Variants in POGK observed in about 807,000 individuals in gnomAD.
POGK encodes the protein pogo transposable element derived with KRAB domain, also known as pogo transposable element with KRAB domain.
Under a neutral mutation model 54.4 loss-of-function variants are expected in POGK, and 16 were observed. The ratio of observed to expected loss-of-function variants is 0.29; its 90% CI spans 0.20 to 0.45. POGK has a LOEUF of 0.45. POGK is among the 20% of genes least tolerant of loss of function. POGK has a pLI of 1.00. For missense variants in POGK, 515 were observed against 795.6 expected, an observed-to-expected ratio of 0.65 and a Z score of 4.24; for synonymous variants, 271 against 302.2, an observed-to-expected ratio of 0.90 and a Z score of 1.07.
rs1370131494 is a variant in POGK at position 166,853,373 on chromosome 1, T to C, written c.*803T>C. The stretch of plus-strand genomic sequence containing the variant: ...CAGGATTTCGTATGCAAGCTCTTGT[T>C]TCTCAGGCTGCCTGCAGAAGAAGTC... On this transcript the variant is annotated 3_prime_UTR_variant, in exon 6 of 6. Coordinates refer to ENST00000367876, the MANE Select transcript of POGK (RefSeq NM_017542.5). 6.5e-6 allele frequency: 1 copy of C among 152,674 alleles called. No individual in the cohort carries two copies. Among genetic ancestry groups the C allele is most frequent in the Non-Finnish European group, 1.5e-5 (1 of 68,040 alleles). The allele number at this position is 152,674 out of a possible 1,614,324, so 9.5% of individuals were successfully genotyped here. A position where few individuals can be genotyped will look rare whatever the true frequency, so the allele number is the denominator to read the frequency against.
intron 4 of POGK, 92 bp downstream of exon 4, chr1:166,847,684 A>G (rs1571225190): frequency 1.0e-6 from 1 of 988,602 alleles, no homozygotes; most frequent in Non-Finnish European, 1.5e-6. Flanking sequence ...TTTAAGAGGT[A>G]GAAGGATTAT....
At position 166,847,409 on chromosome 1, in the gene POGK, C is replaced by T. The variant is rs578121373; in HGVS notation, c.260-85C>T. The T allele has an allele frequency of 6.6e-5, 65 of 991,924 alleles. 1 individual carries two copies. In the African/African-American group the frequency reaches 7.4e-4, roughly 11 times the overall value. The allele number at this position is 991,924 out of a possible 1,614,324, so 61.4% of individuals were successfully genotyped here. On this transcript the variant is annotated intron_variant, in intron 3 of 5. Coordinates refer to ENST00000367876, the MANE Select transcript of POGK (RefSeq NM_017542.5). ...TTTTTCACAAAGAAGGGGAGAGTGG[C>T]TCTTAAGTATTTTGAAGTACTTATT...
At chr1:166,850,654 C>T in intron 5 of POGK, 1 of 454,006 alleles carries the variant, frequency 2.2e-6, no homozygotes, top group East Asian at 3.6e-5. Flanking sequence ...ACCACCTGAG[C>T]TCCGCCCGCT....
intron 2 of POGK, among the ~76,000 whole-genome samples, chr1:166,841,783 A>G (rs1263717968): frequency 2.6e-5 from 4 of 152,196 alleles, no homozygotes; most frequent in Non-Finnish European, 5.9e-5. Flanking sequence ...AAACATTGTC[A>G]GTATACATAG....
chr1:166,840,975 C>G lies in POGK; in HGVS notation c.19C>G (p.Pro7Ala). The G allele has an allele frequency of 2.5e-6, 4 of 1,613,964 alleles. No homozygotes were observed. Among genetic ancestry groups the G allele is most frequent in the Non-Finnish European group, 3.4e-6 (4 of 1,179,934 alleles). The change falls in exon 2 of 6, where the codon CCT becomes GCT. Residue 7 changes from proline to alanine, a missense_variant. This residue lies in a region of POGK where 54 missense variants were observed against 52.0 expected (regional missense o/e 1.04). Transcript: ENST00000367876. ...TGCAGAGATGGAGTCCACAGCCTACCCTCTCAATTTGAGCCTGAAAGAAGA... is the reference window on the plus strand; with the variant it reads ...TGCAGAGATGGAGTCCACAGCCTACGCTCTCAATTTGAGCCTGAAAGAAGA... MESTAY[P>A]LNLSLKEEEE...
At position 166,850,261 on chromosome 1, in the gene POGK, A is replaced by G; in HGVS notation, c.1682A>G (p.Glu561Gly). 1 of 1,568,892 alleles carries G rather than the reference A, an allele frequency of 6.4e-7. No individual in the cohort carries two copies. Among genetic ancestry groups the G allele is most frequent in the Non-Finnish European group, 8.7e-7 (1 of 1,155,616 alleles). The change falls in exon 5 of 6, where the codon GAG (glutamate) becomes GGG (glycine). Residue 561 changes from glutamate to glycine, a missense_variant. Glu to Gly is a moderately conservative substitution (Grantham distance 98). This residue lies in a region of POGK where 461 missense variants were observed against 743.5 expected (regional missense o/e 0.62). Transcript: ENST00000367876. ...VMVAWNSISSESIVQGFKKCH... is the reference protein window; with the variant it reads ...VMVAWNSISSGSIVQGFKKCH... Reference sequence around the variant, plus strand: ...GTCGCGTGGAATAGCATCTCAAGTGAGTCCATCGTCCAAGGGTTCAAGAAG... The same window carrying G: ...GTCGCGTGGAATAGCATCTCAAGTGGGTCCATCGTCCAAGGGTTCAAGAAG...
At chr1:166,844,265 A>T (rs1657738972) in intron 2 of POGK, among the ~76,000 whole-genome samples, 1 of 152,128 alleles carries the variant, frequency 6.6e-6, no homozygotes, top group East Asian at 1.9e-4. Context: ...AAGAGTATTG[A>T]TGGCCCCTCT....
intron 1 of POGK, 84 bp downstream of exon 1, chr1:166,839,688 C>T (rs1657390341): frequency 7.9e-6 from 1 of 126,766 alleles, no homozygotes; most frequent in Non-Finnish European, 1.7e-5. Context: ...GGCGGGGGCG[C>T]CGAGGCTGCG....
intron 2 of POGK, among the ~76,000 whole-genome samples, chr1:166,845,708 T>C (rs1309818321): frequency 6.6e-6 from 1 of 152,238 alleles, no homozygotes; most frequent in African/African-American, 2.4e-5. Context: ...TCCAGTGCCT[T>C]CTTATCACTA....
chr1:166,851,937 G>A (rs187263727), intron 5 of POGK: 79 of 152,276 alleles, frequency 5.2e-4, no homozygotes, highest in African/African-American at 1.8e-3. Context: ...TTCAAAGAGT[G>A]ACTTATGTCT....
intron 5 of POGK, 177 bp downstream of exon 5, chr1:166,850,600 A>C: frequency 3.2e-6 from 2 of 621,934 alleles, no homozygotes; most frequent in Non-Finnish European, 5.3e-6. Context: ...CCTGTCAGGA[A>C]CTGGGCTGCA....
At position 166,849,116 on chromosome 1, in the gene POGK, T is replaced by C. The variant is rs1220251178; in HGVS notation, c.537T>C (p.Tyr179=). ...ACATGGCCATGGGCTTCCCAGGGTA[T>C]GACCTCTCGGCTGATGACATAGCTG... ...PFYMAMGFPG[Y]DLSADDIAGK... is the part of the protein sequence containing the mutation. The change falls in exon 5 of 6, where the codon TAT becomes TAC. Residue 179 remains tyrosine, a synonymous_variant. Coordinates refer to ENST00000367876, the MANE Select transcript of POGK (RefSeq NM_017542.5). The C allele has an allele frequency of 6.2e-7, 1 of 1,614,040 alleles. No homozygotes were observed. Among genetic ancestry groups the C allele is most frequent in the African/African-American group, 1.3e-5 (1 of 74,914 alleles).
chr1:166,839,832 C>G (rs1657404984), intron 1 of POGK: 1 of 150,608 alleles, frequency 6.6e-6, no homozygotes, highest in Admixed American at 6.6e-5. Context: ...GCAGCGGAAG[C>G]GCTCCCGGCG....
intron 5 of POGK, 106 bp downstream of exon 5, chr1:166,850,529 A>T: frequency 7.7e-7 from 1 of 1,294,472 alleles, no homozygotes; most frequent in Non-Finnish European, 1.0e-6. Flanking sequence ...TAGAGCCTAC[A>T]GTGCAGTAGT....
At chr1:166,840,241 C>T (rs1323466162) in intron 1 of POGK, 2 of 152,278 alleles carry the variant, frequency 1.3e-5, no homozygotes, top group African/African-American at 4.8e-5. Context: ...GGCCAAGAGT[C>T]AGCGAATAGA....
chr1:166,854,790 C>G lies in POGK; in HGVS notation c.*2220C>G, dbSNP rs1658219717. ...AATTTTAAATGAAAGTATGATGAAC[C>G]CGCAAGTCTTAATTATGCACTTTTA... On this transcript the variant is annotated 3_prime_UTR_variant, in exon 6 of 6. Transcript: ENST00000367876. 1 of 152,156 alleles carries G rather than the reference C, an allele frequency of 6.6e-6. No homozygotes were observed. The highest frequency in any genetic ancestry group is 2.1e-4 in the South Asian group (1 of 4,822). The allele number at this position is 152,156 out of a possible 1,614,324, so 9.4% of individuals were successfully genotyped here.
At chr1:166,851,789 C>T (rs190848728) in intron 5 of POGK, 2 of 152,336 alleles carry the variant, frequency 1.3e-5, no homozygotes, top group Admixed American at 1.3e-4. Flanking sequence ...GACCTGAAAC[C>T]GTCAACCATC....
rs1232421943 is a variant in POGK, at chr1:166,852,597, T to C, written c.*27T>C. 1.3e-5 allele frequency: 2 copies of C among 152,272 alleles called. No homozygotes were observed. The highest frequency in any genetic ancestry group is 4.8e-5 in the African/African-American group (2 of 41,482). The allele number at this position is 152,272 out of a possible 1,614,324, so 9.4% of individuals were successfully genotyped here. A position where few individuals can be genotyped will look rare whatever the true frequency, so the allele number is the denominator to read the frequency against. On this transcript the variant is annotated 3_prime_UTR_variant, in exon 6 of 6. Transcript: ENST00000367876. ...CTCTGTTTTCCAGCAAATGGAACTC[T>C]GATTTAAACAGCTGGGGATGAAATT...
In POGK at chr1:166,856,098, G is replaced by A. The variant is rs1362876262; in HGVS notation, c.*3528G>A. 2.0e-5 allele frequency: 3 copies of A among 152,088 alleles called. No homozygotes were observed. Among genetic ancestry groups the A allele is most frequent in the Non-Finnish European group, 4.4e-5 (3 of 68,036 alleles). 9.4% of individuals were successfully genotyped at this position (152,088 alleles called of 1,614,324 possible). ...CCTAACAAACACTCTGGGAGGCCAA[G>A]GTGGGCAGACTGCTTGAGCTCAGGA... On this transcript the variant is annotated 3_prime_UTR_variant, in exon 6 of 6. Transcript: ENST00000367876.
Sources: gnomAD v4.1 joint callset for allele counts (sites outside exome capture counted in the v4.1 genomes callset) on GRCh38, gnomAD v4.1.1 for gene constraint, gnomAD v4.1.1 regional missense constraint, MANE v1.5 for transcripts, NCBI Gene and HGNC (gene_info 2026-07-23, HGNC 2026-07-21) for gene names.